The following STIM2 variants were observed in gnomAD, a reference collection of about 807,000 sequenced individuals.
STIM2 encodes stromal interaction molecule 2.
A neutral mutation model predicts 85.8 loss-of-function variants in STIM2; 31 were observed. The ratio of observed to expected loss-of-function variants is 0.36; its 90% CI spans 0.27 to 0.49. The LOEUF (loss-of-function observed/expected upper bound fraction) is 0.49, where lower values mean the gene tolerates loss of function less well. Ranked by LOEUF, STIM2 falls within the 20% of genes least tolerant of loss-of-function variation. The pLI is 0.98. For missense variants in STIM2, 841 were observed against 927.6 expected, an observed-to-expected ratio of 0.91 and a Z score of 1.21; for synonymous variants, 356 against 331.1, an observed-to-expected ratio of 1.08 and a Z score of -0.82.
chr4:27,016,983 T>A (rs528466780), intron 10 of STIM2, among the ~76,000 whole-genome samples: 1 of 152,324 alleles, frequency 6.6e-6, no homozygotes, highest in South Asian at 2.1e-4. Context: ...TGCTATAGCA[T>A]CTGAACCATG....
chr4:26,982,074 A>T (rs1234456290), intron 3 of STIM2, among the ~76,000 whole-genome samples: 1 of 151,648 alleles, frequency 6.6e-6, no homozygotes, highest in African/African-American at 2.4e-5. Context: ...TGACTTAATT[A>T]TTGCTCACAT....
chr4:26,876,271 A>G (rs928173233), intron 1 of STIM2, among the ~76,000 whole-genome samples: 3 of 152,186 alleles, frequency 2.0e-5, no homozygotes, highest in African/African-American at 7.2e-5. Context: ...TAGAGCCTTT[A>G]TATTAAGACA....
In STIM2 at chr4:26,969,679, G is replaced by A. The variant is rs1208634367; in HGVS notation, c.397+11953G>A. 6.6e-5 allele frequency among the ~76,000 whole-genome samples: 10 copies of A among 152,270 alleles called. No individual in the cohort carries two copies. The East Asian group carries it at 1.7e-3, about 26-fold the overall frequency. On this transcript the variant is annotated intron_variant, in intron 3 of 11. Transcript: ENST00000467087. The stretch of plus-strand genomic sequence containing the variant: ...ATGAATCTGTTGATGACCTTAGACT[G>A]CATTATCTTTTAGATGTGTAAATTG...
At chr4:26,953,567 G>A (rs1056549387) in intron 2 of STIM2, among the ~76,000 whole-genome samples, 9 of 151,948 alleles carry the variant, frequency 5.9e-5, no homozygotes, top group African/African-American at 1.9e-4. Flanking sequence ...GAGTATTGAC[G>A]TCTTAAAATT....
intron 2 of STIM2, among the ~76,000 whole-genome samples, chr4:26,938,673 T>C (rs1725482504): frequency 6.6e-6 from 1 of 151,960 alleles, no homozygotes; most frequent in African/African-American, 2.4e-5. Context: ...ATCAGGGAGG[T>C]GTAAGGTAAA....
Position 26,885,834 on chromosome 4 carries a change from T to C in STIM2, c.151+24465T>C, listed in dbSNP as rs528199988. ...TAGCACCTCAGGTTATATATATATA[T>C]ATATATATATATATATATATATATA... On this transcript the variant is annotated intron_variant, in intron 1 of 11. Coordinates refer to ENST00000467087, the MANE Select transcript of STIM2 (RefSeq NM_020860.4). 3.0e-4 allele frequency among the ~76,000 whole-genome samples: 8 copies of C among 26,308 alleles called. No individual in the cohort carries two copies. The East Asian group carries it at 4.6e-3, about 15-fold the overall frequency. 17.3% of individuals were successfully genotyped at this position (26,308 alleles called of 152,430 possible).
chr4:26,946,822 C>G (rs946824538), intron 2 of STIM2, among the ~76,000 whole-genome samples: 2 of 152,124 alleles, frequency 1.3e-5, no homozygotes, highest in Admixed American at 6.5e-5. Flanking sequence ...TTCGCGGTCT[C>G]TTGTGTTATT....
chr4:27,016,609 G>T (rs1169953773), intron 10 of STIM2, among the ~76,000 whole-genome samples: 1 of 152,160 alleles, frequency 6.6e-6, no homozygotes, highest in Non-Finnish European at 1.5e-5. Flanking sequence ...CTTTAAAATG[G>T]CTATATTTAG....
chr4:26,880,418 A>G (rs1017890579), intron 1 of STIM2, among the ~76,000 whole-genome samples: 6 of 152,028 alleles, frequency 3.9e-5, no homozygotes, highest in African/African-American at 1.2e-4. Flanking sequence ...ACTTACAACC[A>G]GAAATTACAT....
intron 1 of STIM2, among the ~76,000 whole-genome samples, chr4:26,914,226 C>G (rs1329308479): frequency 6.6e-6 from 1 of 152,136 alleles, no homozygotes; most frequent in Non-Finnish European, 1.5e-5. Context: ...GGGAATAATG[C>G]CTACTTTGTG....
chr4:26,920,914 G>T (rs1001526373), intron 2 of STIM2, among the ~76,000 whole-genome samples: 2 of 152,120 alleles, frequency 1.3e-5, no homozygotes, highest in African/African-American at 4.8e-5. Flanking sequence ...AGTAGATGTT[G>T]GCAGACTTTT....
At chr4:26,877,264 G>C (rs953348805) in intron 1 of STIM2, among the ~76,000 whole-genome samples, 3 of 151,730 alleles carry the variant, frequency 2.0e-5, no homozygotes, top group Non-Finnish European at 4.4e-5. Context: ...CCTGTCAAAG[G>C]GATTCTCCAT....
chr4:26,881,214 G>A (rs1051944717), intron 1 of STIM2, among the ~76,000 whole-genome samples: 3 of 151,982 alleles, frequency 2.0e-5, no homozygotes, highest in Non-Finnish European at 1.5e-5. Flanking sequence ...GCTGGTAATC[G>A]CAGTTCTTTG....
In STIM2 at chr4:26,970,858, A is replaced by G. The variant is rs1278909689; in HGVS notation, c.397+13132A>G. 3.3e-4 allele frequency among the ~76,000 whole-genome samples: 50 copies of G among 152,104 alleles called. 1 individual carries two copies. Among genetic ancestry groups the G allele is most frequent in the Non-Finnish European group, 2.9e-5 (2 of 68,026 alleles). ...GGTTGAACTAACTTACACTCCCACC[A>G]ACAGTGTAAAAGTGTTCCTATTTCT... On this transcript the variant is annotated intron_variant, in intron 3 of 11. Transcript: ENST00000467087.
intron 1 of STIM2, among the ~76,000 whole-genome samples, chr4:26,893,154 G>T (rs1224931810): frequency 6.6e-6 from 1 of 152,076 alleles, no homozygotes; most frequent in East Asian, 1.9e-4. Context: ...ATACACAGAA[G>T]AACATTAAAT....
intron 1 of STIM2, among the ~76,000 whole-genome samples, chr4:26,894,930 G>C (rs547474894): frequency 6.6e-6 from 1 of 152,302 alleles, no homozygotes; most frequent in African/African-American, 2.4e-5. Flanking sequence ...AATTATTTCT[G>C]GCCGGGTGCG....
chr4:26,865,812 G>C (rs980577294), intron 1 of STIM2, among the ~76,000 whole-genome samples: 5 of 151,992 alleles, frequency 3.3e-5, no homozygotes, highest in Non-Finnish European at 7.4e-5. Flanking sequence ...ACACAAAAGA[G>C]AAGTGGGAAA....
chr4:26,892,716 A>T (rs1723542366), intron 1 of STIM2, among the ~76,000 whole-genome samples: 1 of 152,176 alleles, frequency 6.6e-6, no homozygotes, highest in African/African-American at 2.4e-5. Context: ...GGGAAAGTTG[A>T]TCAAGGTCTC....
intron 7 of STIM2, 125 bp downstream of exon 7, chr4:27,003,229 T>TA: frequency 1.1e-6 from 1 of 882,398 alleles, no homozygotes; most frequent in Non-Finnish European, 1.6e-6. Context: ...GATAAAAGAC[T>TA]CATTTGTTTA....
Sources: gnomAD v4.1 joint callset for allele counts (sites outside exome capture counted in the v4.1 genomes callset) on GRCh38, gnomAD v4.1.1 for gene constraint, MANE v1.5 for transcripts, NCBI Gene and HGNC (gene_info 2026-07-23, HGNC 2026-07-21) for gene names.